RNASET2: variants seen among roughly 807,000 people sequenced by gnomAD.
The protein encoded by RNASET2 is ribonuclease T2, also known as ribonuclease 6.
A neutral mutation model predicts 33.9 loss-of-function variants in RNASET2; 28 were observed. The ratio of observed to expected loss-of-function variants is 0.83; its 90% confidence interval spans 0.61 to 1.13. The LOEUF is 1.13. Ranked by LOEUF, RNASET2 falls within the 50% of genes most tolerant of loss-of-function variation. RNASET2 has a pLI of 0.00. For missense variants in RNASET2, 330 were observed against 319.9 expected, an observed-to-expected ratio of 1.03 and a Z score of -0.24; for synonymous variants, 123 against 121.0, an observed-to-expected ratio of 1.02 and a Z score of -0.11.
In RNASET2 at chr6:166,925,830, G is replaced by A. The variant is rs562494991; in HGVS notation, c.*3758C>T. On this transcript the variant is annotated 3_prime_UTR_variant, in exon 9 of 9. Coordinates refer to ENST00000508775, the MANE Select transcript of RNASET2 (RefSeq NM_003730.6). ...GCACTCCAGGCCACCCAAACTGCGC[G>A]GAGAATCCAGGCACAAGGAAGTGCT... is the stretch of plus-strand genomic sequence containing the variant. Among the ~76,000 whole-genome samples the A allele has an allele frequency of 7.2e-5, 11 of 152,324 alleles. No homozygotes were observed. The East Asian group carries it at 1.3e-3, about 19-fold the overall frequency.
At chr6:166,955,259 A>ATG (rs1779100282) in intron 1 of RNASET2, among the ~76,000 whole-genome samples, 1 of 103,458 alleles carries the variant, frequency 9.7e-6, no homozygotes, top group South Asian at 3.1e-4. Context: ...GCACACACGC[A>ATG]CACACACACA....
In RNASET2 at chr6:166,956,237, A is replaced by G. The variant is rs1779163785; in HGVS notation, c.-55T>C. 3 of 1,436,182 alleles carry G rather than the reference A, an allele frequency of 2.1e-6. No individual in the cohort carries two copies. Among genetic ancestry groups the G allele is most frequent in the South Asian group, 1.2e-5 (1 of 81,722 alleles). The allele number at this position is 1,436,182 out of a possible 1,614,324, so 89.0% of individuals were successfully genotyped here. Reference sequence around the variant, plus strand: ...GCTGCCGCTCCGGCTCCCACTTCCCACCTGCTGCCCGAGGAAGACTTCCGG... The same window carrying G: ...GCTGCCGCTCCGGCTCCCACTTCCCGCCTGCTGCCCGAGGAAGACTTCCGG... On this transcript the variant is annotated 5_prime_UTR_variant, in exon 1 of 9. Coordinates refer to ENST00000508775, the MANE Select transcript of RNASET2 (RefSeq NM_003730.6).
At chr6:166,935,107 G>A (rs1246218508) in intron 6 of RNASET2, 4 of 152,042 alleles carry the variant, frequency 2.6e-5, no homozygotes, top group Non-Finnish European at 4.4e-5. Context: ...AACAAGGACC[G>A]AGATGCCGGA....
chr6:166,942,946 T>G (rs1009126645), intron 5 of RNASET2, 73 bp downstream of exon 5: 2 of 1,241,950 alleles, frequency 1.6e-6, no homozygotes, highest in Admixed American at 3.6e-5. Context: ...CAGTTTCCAC[T>G]TCTAGCGATT....
At chr6:166,941,635 C>T (rs1251264416) in intron 5 of RNASET2, among the ~76,000 whole-genome samples, 1 of 152,196 alleles carries the variant, frequency 6.6e-6, no homozygotes, top group Non-Finnish European at 1.5e-5. Context: ...ACTTCACTGC[C>T]ACACCGATGA....
At chr6:166,949,848 C>T (rs779632986) in intron 2 of RNASET2, among the ~76,000 whole-genome samples, 4 of 152,190 alleles carry the variant, frequency 2.6e-5, no homozygotes, top group Non-Finnish European at 4.4e-5. Flanking sequence ...GCCCAGAACA[C>T]TGAGAACCCG....
chr6:166,950,759 GC>G (rs1166936505), intron 2 of RNASET2, among the ~76,000 whole-genome samples: 1 of 152,246 alleles, frequency 6.6e-6, no homozygotes, highest in Non-Finnish European at 1.5e-5. Flanking sequence ...ATGATGAGGG[GC>G]CAGCCCGGAG....
rs912735581 is a variant in RNASET2 at position 166,923,026 on chromosome 6, G to A, written c.*6562C>T. ...TAAATGCATAAGAATGCACAGGTCT[G>A]AAATGTGAAAAGCACGTCAGCATAA... On this transcript the variant is annotated 3_prime_UTR_variant, in exon 9 of 9. Transcript: ENST00000508775. Among the ~76,000 whole-genome samples the A allele has an allele frequency of 5.9e-5, 9 of 152,224 alleles. No homozygotes were observed. Among genetic ancestry groups the A allele is most frequent in the Non-Finnish European group, 8.8e-5 (6 of 68,034 alleles).
rs1583208677 is a variant in RNASET2 at position 166,924,298 on chromosome 6, A to G, written c.*5290T>C. Among the ~76,000 whole-genome samples, 1 of 151,994 alleles carries G rather than the reference A, an allele frequency of 6.6e-6. No homozygotes were observed. The highest frequency in any genetic ancestry group is 6.6e-5 in the Admixed American group (1 of 15,254). ...GTATTTTTAGTAGAGATGGAGTTTC[A>G]CCATACTGTCCAGGCTGGTCTCGAA... is the stretch of plus-strand genomic sequence containing the variant. On this transcript the variant is annotated 3_prime_UTR_variant, in exon 9 of 9. Coordinates refer to ENST00000508775, the MANE Select transcript of RNASET2 (RefSeq NM_003730.6).
intron 6 of RNASET2, 197 bp downstream of exon 6, chr6:166,938,698 G>A (rs975490851): frequency 6.5e-6 from 5 of 766,158 alleles, no homozygotes; most frequent in Admixed American, 3.4e-5. Context: ...CTGTGTGATC[G>A]TGATGTAGAA....
At position 166,928,408 on chromosome 6, in the gene RNASET2, G is replaced by A. The variant is rs992572479; in HGVS notation, c.*1180C>T. ...TTGAAAATCTCTTCTTTAAATGGGC[G>A]AGTAAAGCCGAATATTCACAGGCAT... is the stretch of plus-strand genomic sequence containing the variant. On this transcript the variant is annotated 3_prime_UTR_variant, in exon 9 of 9. Transcript: ENST00000508775. Among the ~76,000 whole-genome samples, 4 of 150,292 alleles carry A rather than the reference G, an allele frequency of 2.7e-5. No individual in the cohort carries two copies. Among genetic ancestry groups the A allele is most frequent in the South Asian group, 2.1e-4 (1 of 4,782 alleles).
rs1404628886 is a variant in RNASET2 at position 166,928,505 on chromosome 6, C to G, written c.*1083G>C. Among the ~76,000 whole-genome samples the G allele has an allele frequency of 6.8e-6, 1 of 146,924 alleles. No individual in the cohort carries two copies. Among genetic ancestry groups the G allele is most frequent in the South Asian group, 2.3e-4 (1 of 4,404 alleles). ...GTTATTCTAAGGATTAAATATTTCA[C>G]GTGTTGAACACAATGCCTGGCACAT... On this transcript the variant is annotated 3_prime_UTR_variant, in exon 9 of 9. Coordinates refer to ENST00000508775, the MANE Select transcript of RNASET2 (RefSeq NM_003730.6).
At chr6:166,934,890 T>C (rs1173459280) in intron 6 of RNASET2, 1 of 152,228 alleles carries the variant, frequency 6.6e-6, no homozygotes, top group African/African-American at 2.4e-5. Flanking sequence ...CTACACAGAA[T>C]CCTACCAAAC....
Position 166,955,997 on chromosome 6 carries a change from G to A in RNASET2, c.86+100C>T, listed in dbSNP as rs1477525770. Reference sequence around the variant, plus strand: ...CCGCCCTCCCCAGTCGCTGCCCGGGGCTCAGCGACCGCCGACCCCGAGAGC... The same window carrying A: ...CCGCCCTCCCCAGTCGCTGCCCGGGACTCAGCGACCGCCGACCCCGAGAGC... On this transcript the variant is annotated intron_variant, in intron 1 of 8. Transcript: ENST00000508775. The A allele has an allele frequency of 3.9e-6, 5 of 1,273,328 alleles. No individual in the cohort carries two copies. In the East Asian group the frequency reaches 1.0e-4, roughly 26 times the overall value. The allele number at this position is 1,273,328 out of a possible 1,614,324, so 78.9% of individuals were successfully genotyped here.
rs1779120177 is a variant in RNASET2 at position 166,955,334 on chromosome 6, CGCACA to C, written c.86+758_86+762del. On this transcript the variant is annotated intron_variant, in intron 1 of 8. Transcript: ENST00000508775. ...ACACACACGCACACACACGCACGCA[CGCACA>C]CGCACACGCACGCACACACACACGC... 3 of 100,118 alleles carry C rather than the reference CGCACA, an allele frequency of 3.0e-5. No homozygotes were observed. In the South Asian group the frequency reaches 2.0e-3, roughly 67 times the overall value. 6.2% of individuals were successfully genotyped at this position (100,118 alleles called of 1,614,324 possible). A position where few individuals can be genotyped will look rare whatever the true frequency, so the allele number is the denominator to read the frequency against.
chr6:166,949,039 AC>A (rs1458279971), intron 2 of RNASET2, among the ~76,000 whole-genome samples: 1 of 151,736 alleles, frequency 6.6e-6, no homozygotes, highest in African/African-American at 2.4e-5. Flanking sequence ...ACCTGGTGAA[AC>A]CCCATCTCTA....
At position 166,955,181 on chromosome 6, in the gene RNASET2, ACACACACG is replaced by A. The variant is rs1299954603; in HGVS notation, c.86+908_86+915del. Among the ~76,000 whole-genome samples, 68 of 127,142 alleles carry A rather than the reference ACACACACG, an allele frequency of 5.3e-4. 1 individual carries two copies. The highest frequency in any genetic ancestry group is 1.4e-3 in the African/African-American group (39 of 27,274). 83.4% of individuals were successfully genotyped at this position (127,142 alleles called of 152,430 possible). ...TAATTAATTTGGGCGGCTGCCACACACACACACGCACACACGCACGCACACACGCACGC... is the reference window on the plus strand; with the variant it reads ...TAATTAATTTGGGCGGCTGCCACACACACACACGCACGCACACACGCACGC... On this transcript the variant is annotated intron_variant, in intron 1 of 8. Transcript: ENST00000508775.
At chr6:166,935,951 G>GCTCA (rs1161251915) in intron 6 of RNASET2, among the ~76,000 whole-genome samples, 1 of 152,166 alleles carries the variant, frequency 6.6e-6, no homozygotes, top group Non-Finnish European at 1.5e-5. Context: ...GGGATTACAG[G>GCTCA]CGTGAACCAC....
At chr6:166,948,691 A>G in intron 2 of RNASET2, 66 bp from the exon 3 acceptor site, 3 of 949,722 alleles carry the variant, frequency 3.2e-6, no homozygotes, top group South Asian at 1.3e-5. Context: ...TAGGAACCCT[A>G]TTAAAATACA....
Sources: gnomAD v4.1 joint callset for allele counts (sites outside exome capture counted in the v4.1 genomes callset) on GRCh38, gnomAD v4.1.1 for gene constraint, MANE v1.5 for transcripts, NCBI Gene and HGNC (gene_info 2026-07-23, HGNC 2026-07-21) for gene names.